The following RGS3 variants were observed in gnomAD, a reference collection of about 807,000 sequenced individuals.
RGS3 encodes regulator of G protein signaling 3.
A neutral mutation model predicts 132.6 loss-of-function variants in RGS3; 80 were observed. The ratio of observed to expected loss-of-function variants is 0.60; its 90% CI spans 0.50 to 0.73. The LOEUF is 0.73. Among genes scored for constraint, RGS3 ranks in the 30% least tolerant of loss-of-function variants. The probability of loss-of-function intolerance (pLI) is 0.00; values close to 1 mark genes in which losing one functional copy is unlikely to be tolerated. For synonymous variants in RGS3, 598 were observed against 620.6 expected (o/e 0.96, Z 0.54); for missense variants, 1,382 against 1,530.8 (o/e 0.90, Z 1.62).
exon 19 of RGS3, chr9:113,536,899 C>T: frequency 1.9e-6 from 3 of 1,614,078 alleles, no homozygotes; most frequent in Non-Finnish European, 2.5e-6. Context: ...CAGCTGGCAG[C>T]ATCACCCCCG....
chr9:113,552,049 T>A (rs1833360672), intron 19 of RGS3, among the ~76,000 whole-genome samples: 1 of 152,210 alleles, frequency 6.6e-6, no homozygotes, highest in Non-Finnish European at 1.5e-5. Context: ...TGACTATAAA[T>A]CTTGAAAAAT....
chr9:113,469,544 A>G (rs1360766407), intron 3 of RGS3, among the ~76,000 whole-genome samples: 2 of 152,074 alleles, frequency 1.3e-5, no homozygotes, highest in African/African-American at 4.8e-5. Context: ...GAAATATTAT[A>G]CAGACAGACA....
intron 19 of RGS3, among the ~76,000 whole-genome samples, chr9:113,542,998 C>T (rs960897204): frequency 6.6e-6 from 1 of 152,214 alleles, no homozygotes; most frequent in Admixed American, 6.5e-5. Flanking sequence ...AGCCCACTCA[C>T]TGCCTGCTGC....
chr9:113,594,295 C>G lies in RGS3; in HGVS notation c.3081-135C>G, dbSNP rs559605553. 2.4e-5 allele frequency: 39 copies of G among 1,597,950 alleles called. No individual in the cohort carries two copies. In the East Asian group the frequency reaches 8.5e-4, roughly 35 times the overall value. On this transcript the variant is annotated intron_variant, in intron 21 of 24. Coordinates refer to ENST00000350696, the Ensembl canonical transcript of RGS3. ...TACAGAGATGCTCCGAGGCATGTAC[C>G]TCACTCGCAACGGGAACCTGCAGAG... is the stretch of plus-strand genomic sequence containing the variant.
chr9:113,563,755 A>G (rs1191603371), intron 19 of RGS3, among the ~76,000 whole-genome samples: 24 of 152,192 alleles, frequency 1.6e-4, no homozygotes, highest in Non-Finnish European at 3.5e-4. Context: ...CCGATAAAGA[A>G]TGTTTTCTTG....
chr9:113,479,841 G>A (rs746714390), intron 4 of RGS3, among the ~76,000 whole-genome samples: 2 of 152,274 alleles, frequency 1.3e-5, no homozygotes, highest in Admixed American at 1.3e-4. Context: ...CCACAGAAGA[G>A]TTTTCCTATC....
At position 113,583,615 on chromosome 9, in the gene RGS3, G is replaced by A. The variant is rs146733416; in HGVS notation, c.2203G>A (p.Ala735Thr). 1.2e-5 allele frequency: 20 copies of A among 1,613,886 alleles called. 1 individual carries two copies. In the African/African-American group the frequency reaches 1.3e-4, roughly 11 times the overall value. Residue 735 changes from alanine to threonine, a missense_variant, in exon 20 of 25, where the codon GCT (alanine) becomes ACT (threonine). By Grantham distance (58) the Ala-to-Thr change is moderately conservative. Coordinates refer to ENST00000350696, the Ensembl canonical transcript of RGS3. ...GGACTCCCCTTCTGGGCAGGAACCCGCTCCCAGCCAAGAACCACTGTCCAG... is the reference window on the plus strand; with the variant it reads ...GGACTCCCCTTCTGGGCAGGAACCCACTCCCAGCCAAGAACCACTGTCCAG...
intron 1 of RGS3, among the ~76,000 whole-genome samples, chr9:113,452,269 C>T (rs1203019768): frequency 6.6e-6 from 1 of 152,134 alleles, no homozygotes; most frequent in Non-Finnish European, 1.5e-5. Flanking sequence ...TCCCAACATG[C>T]TGGGATTACA....
Position 113,447,339 on chromosome 9 carries a change from A to ATATG in RGS3, c.-13+2415_-13+2416insGTAT, listed in dbSNP as rs1829133306. Among the ~76,000 whole-genome samples the ATATG allele has an allele frequency of 2.2e-5, 2 of 90,002 alleles. 1 individual carries two copies. The highest frequency in any genetic ancestry group is 4.7e-5 in the Non-Finnish European group (2 of 42,912). The allele number at this position is 90,002 out of a possible 152,430, so 59.0% of individuals were successfully genotyped here. ...CTGATGTATGTATATGTATATATAT[A>ATATG]TATATATATATATATATATATAGGC... On this transcript the variant is annotated intron_variant, in intron 1 of 25. Coordinates refer to the RGS3 transcript ENST00000374140.
chr9:113,565,388 AG>A lies in RGS3; in HGVS notation c.2038-18060del. The A allele has an allele frequency of 7.8e-7, 1 of 1,288,516 alleles. No individual in the cohort carries two copies. The highest frequency in any genetic ancestry group is 1.0e-6 in the Non-Finnish European group (1 of 988,156). The allele number at this position is 1,288,516 out of a possible 1,614,324, so 79.8% of individuals were successfully genotyped here. On this transcript the variant is annotated intron_variant, in intron 19 of 24. Coordinates refer to ENST00000350696, the Ensembl canonical transcript of RGS3. The surrounding 1 kb of genome is among the most constrained non-coding windows in gnomAD (Gnocchi z 5.7). ...GTGTGTTTGGGAAAGGCGCTGGAGG[AG>A]GAGGAAGAGGAGGAGGACAAGTAGG... is the stretch of plus-strand genomic sequence containing the variant.
chr9:113,451,771 C>G (rs1281882282), intron 1 of RGS3, among the ~76,000 whole-genome samples: 3 of 151,618 alleles, frequency 2.0e-5, no homozygotes, highest in African/African-American at 7.3e-5. Flanking sequence ...TTCATATATA[C>G]CCATGTGGTT....
chr9:113,536,511 C>T, intron 18 of RGS3: 2 of 1,139,750 alleles, frequency 1.8e-6, no homozygotes, highest in Middle Eastern at 3.8e-4. Flanking sequence ...CTCATCGGCT[C>T]TGTCCTGCTC....
chr9:113,464,012 C>T, intron 3 of RGS3, 131 bp downstream of exon 1: 1 of 928,178 alleles, frequency 1.1e-6, no homozygotes, highest in Non-Finnish European at 1.6e-6. Flanking sequence ...CTTCTCTGGC[C>T]CCTTTCTCCT....
chr9:113,523,547 A>T (rs527369943), intron 17 of RGS3, among the ~76,000 whole-genome samples: 2 of 151,986 alleles, frequency 1.3e-5, no homozygotes, highest in Admixed American at 1.3e-4. Context: ...AGAGACCGCA[A>T]CTCGGCTCTA....
intron 16 of RGS3, chr9:113,522,150 AT>A (rs1238462170): frequency 1.3e-5 from 2 of 152,176 alleles, no homozygotes; most frequent in African/African-American, 4.8e-5. Context: ...CTCTGCCTTT[AT>A]TTTTGGAGCA....
intron 3 of RGS3, among the ~76,000 whole-genome samples, chr9:113,467,869 C>A (rs1352978714): frequency 6.6e-6 from 1 of 152,102 alleles, no homozygotes; most frequent in Non-Finnish European, 1.5e-5. Context: ...TGTGCACCAC[C>A]ATGCCTGGCT....
Position 113,584,266 on chromosome 9 carries a change from C to T in RGS3, c.2854C>T (p.Arg952Ter), listed in dbSNP as rs767369252. Residue 952 changes from arginine to a stop codon, truncating the protein, a stop_gained, in exon 20 of 25, where the codon CGA becomes TGA. Transcript: ENST00000350696. LOFTEE classifies it high-confidence loss of function. Reference sequence around the variant, plus strand: ...CGAGGGCAGCCTGCTGCAGGAGCCCCGAGGGCCCTGCTTTGCCTCCGACAC... The same window carrying T: ...CGAGGGCAGCCTGCTGCAGGAGCCCTGAGGGCCCTGCTTTGCCTCCGACAC... 35 of 1,612,140 alleles carry T rather than the reference C, an allele frequency of 2.2e-5. No homozygotes were observed. Among genetic ancestry groups the T allele is most frequent in the Non-Finnish European group, 3.0e-5 (35 of 1,179,410 alleles).
chr9:113,535,506 G>C (rs569630627), intron 18 of RGS3, among the ~76,000 whole-genome samples: 2 of 152,208 alleles, frequency 1.3e-5, no homozygotes, highest in African/African-American at 4.8e-5. Flanking sequence ...TTACTGAATA[G>C]TAATACTAGT....
At position 113,565,297 on chromosome 9, in the gene RGS3, T is replaced by G; in HGVS notation, c.2038-18153T>G. On this transcript the variant is annotated intron_variant, in intron 19 of 24. Coordinates refer to ENST00000350696, the Ensembl canonical transcript of RGS3. The surrounding 1 kb of genome is among the most constrained non-coding windows in gnomAD (Gnocchi z 5.7). The stretch of plus-strand genomic sequence containing the variant: ...AAAGTGCTTTGAGAAACCACAGAGT[T>G]TTCTGTTTAATGGAAGAAAGAAATC... 1 of 1,289,362 alleles carries G rather than the reference T, an allele frequency of 7.8e-7. No individual in the cohort carries two copies. Among genetic ancestry groups the G allele is most frequent in the Non-Finnish European group, 1.0e-6 (1 of 988,738 alleles). 79.9% of individuals were successfully genotyped at this position (1,289,362 alleles called of 1,614,324 possible).
Sources: gnomAD v4.1 joint callset for allele counts (sites outside exome capture counted in the v4.1 genomes callset) on GRCh38, gnomAD v4.1.1 for gene constraint, Gnocchi (gnomAD v3.1) non-coding constraint, MANE v1.5 for transcripts, NCBI Gene and HGNC (gene_info 2026-07-23, HGNC 2026-07-21) for gene names.